Variants in AGBL4 observed in about 807,000 individuals in gnomAD.
AGBL4 encodes AGBL carboxypeptidase 4.
In AGBL4, 58 loss-of-function variants were observed where a neutral mutation model predicts 66.4. The observed-to-expected ratio is 0.87, with a 90% CI of 0.71 to 1.09. The LOEUF is 1.09. Ranked by LOEUF, AGBL4 falls within the 50% of genes least tolerant of loss-of-function variation. The probability of loss-of-function intolerance (pLI) is 0.00; values close to 1 mark genes in which losing one functional copy is unlikely to be tolerated. For synonymous variants in AGBL4, 234 were observed against 222.9 expected, an observed-to-expected ratio of 1.05 and a Z score of -0.44; for missense variants, 579 against 631.0, an observed-to-expected ratio of 0.92 and a Z score of 0.88.
intron 4 of AGBL4, among the ~76,000 whole-genome samples, chr1:49,219,397 C>T (rs1649325288): frequency 6.6e-6 from 1 of 152,118 alleles, no homozygotes; most frequent in Non-Finnish European, 1.5e-5. Context: ...ATACAATTAT[C>T]AGTCTTTTCT....
intron 6 of AGBL4, chr1:48,728,072 G>T: frequency 2.0e-6 from 3 of 1,535,766 alleles, no homozygotes; most frequent in Non-Finnish European, 2.6e-6. Context: ...CAAGGCCAAG[G>T]ATTAATGGTG....
At chr1:48,984,623 C>G (rs1192171653) in intron 5 of AGBL4, among the ~76,000 whole-genome samples, 2 of 150,708 alleles carry the variant, frequency 1.3e-5, no homozygotes, top group East Asian at 4.0e-4. Context: ...AACCCCAATA[C>G]TGTTTAACCT....
intron 3 of AGBL4, among the ~76,000 whole-genome samples, chr1:49,520,809 C>T (rs1044929238): frequency 7.2e-6 from 1 of 139,164 alleles, no homozygotes; most frequent in African/African-American, 2.6e-5. Context: ...AGATCACTCA[C>T]TTTTTTTTTT....
intron 3 of AGBL4, among the ~76,000 whole-genome samples, chr1:49,548,252 T>C (rs1652663924): frequency 1.3e-5 from 2 of 152,210 alleles, no homozygotes; most frequent in African/African-American, 4.8e-5. Context: ...CAGCAAACAG[T>C]GACCGTTTGA....
intron 6 of AGBL4, among the ~76,000 whole-genome samples, chr1:48,774,598 T>G (rs1038879885): frequency 1.3e-5 from 2 of 152,232 alleles, no homozygotes; most frequent in Non-Finnish European, 2.9e-5. Context: ...ATGCTTGGGT[T>G]TTTTAAATAA....
chr1:49,000,350 G>T (rs1165810799), intron 5 of AGBL4, among the ~76,000 whole-genome samples: 1 of 152,086 alleles, frequency 6.6e-6, no homozygotes, highest in African/African-American at 2.4e-5. Context: ...GACTGCACAT[G>T]TCACTCCATT....
At chr1:49,582,782 A>C (rs1313357381) in intron 3 of AGBL4, among the ~76,000 whole-genome samples, 1 of 152,152 alleles carries the variant, frequency 6.6e-6, no homozygotes, top group African/African-American at 2.4e-5. Context: ...CCACTCCCCA[A>C]GTCTGATTCA....
chr1:48,530,623 A>G (rs74075887), downstream of AGBL4, among the ~76,000 whole-genome samples: 785 of 152,312 alleles, frequency 5.2e-3, 8 homozygotes, highest in African/African-American at 0.018. Flanking sequence ...GGGCTTAGCA[A>G]CGAAGAAACT....
At chr1:49,794,958 T>C (rs6695948) in intron 2 of AGBL4, among the ~76,000 whole-genome samples, 64,231 of 151,652 alleles carry the variant, frequency 0.42, 16,136 homozygotes, top group Non-Finnish European at 0.57. Context: ...TAGCACTAGA[T>C]GTTGAAAAGT....
At chr1:48,611,909 T>C (rs2148381792) in intron 9 of AGBL4, among the ~76,000 whole-genome samples, 1 of 152,266 alleles carries the variant, frequency 6.6e-6, no homozygotes, top group East Asian at 1.9e-4. Flanking sequence ...TAAAAATCAA[T>C]CCATTTATTT....
At chr1:49,835,822 C>T (rs574296196) in intron 2 of AGBL4, among the ~76,000 whole-genome samples, 3 of 152,124 alleles carry the variant, frequency 2.0e-5, no homozygotes, top group Non-Finnish European at 4.4e-5. Context: ...ATTTCTCCTT[C>T]ACTTATGAAG....
At chr1:49,409,815 A>G (rs566494756) in intron 3 of AGBL4, among the ~76,000 whole-genome samples, 11 of 152,174 alleles carry the variant, frequency 7.2e-5, no homozygotes, top group Non-Finnish European at 1.3e-4. Context: ...TCTTTGATAT[A>G]ATTTCAGCTT....
chr1:48,961,012 C>A (rs1467687736), intron 5 of AGBL4, among the ~76,000 whole-genome samples: 1 of 152,176 alleles, frequency 6.6e-6, no homozygotes, highest in Non-Finnish European at 1.5e-5. Flanking sequence ...GGACCCTAAT[C>A]TGGGATATGA....
At chr1:48,725,504 T>C (rs1002861214) in intron 6 of AGBL4, among the ~76,000 whole-genome samples, 3 of 152,212 alleles carry the variant, frequency 2.0e-5, no homozygotes, top group Non-Finnish European at 4.4e-5. Flanking sequence ...ATGGCCTGAA[T>C]TAATAAGATT....
At chr1:48,652,820 G>T (rs78451477) in intron 8 of AGBL4, among the ~76,000 whole-genome samples, 218 of 152,270 alleles carry the variant, frequency 1.4e-3, no homozygotes, top group African/African-American at 5.1e-3. Flanking sequence ...GGGCTGGCTG[G>T]TGTGCCCACA....
intron 2 of AGBL4, among the ~76,000 whole-genome samples, chr1:49,713,002 G>A (rs1647792046): frequency 6.6e-6 from 1 of 151,988 alleles, no homozygotes; most frequent in Non-Finnish European, 1.5e-5. Context: ...GTAATATATA[G>A]TTGCCTCCAA....
chr1:49,832,459 G>A (rs1448512022), intron 2 of AGBL4, among the ~76,000 whole-genome samples: 4 of 150,078 alleles, frequency 2.7e-5, no homozygotes, highest in African/African-American at 4.9e-5. Flanking sequence ...ATAAACATAC[G>A]TGTGCATGTG....
At chr1:48,854,782 T>G (rs1042866859) in intron 6 of AGBL4, among the ~76,000 whole-genome samples, 8 of 152,232 alleles carry the variant, frequency 5.3e-5, no homozygotes. Flanking sequence ...TGCTAGGACT[T>G]CTGAGTGAGT....
At chr1:49,817,981 C>T (rs540514600) in intron 2 of AGBL4, among the ~76,000 whole-genome samples, 30 of 152,240 alleles carry the variant, frequency 2.0e-4, no homozygotes, top group African/African-American at 6.7e-4. Context: ...CCTGGGGTTA[C>T]AGAGAAGTTG....
Sources: allele counts gnomAD v4.1 joint callset (sites outside exome capture counted in the v4.1 genomes callset), GRCh38; gene constraint gnomAD v4.1.1; transcripts MANE v1.5; gene names NCBI Gene and HGNC (gene_info 2026-07-23, HGNC 2026-07-21).